ZNF365: variants seen among roughly 807,000 people sequenced by gnomAD.
ZNF365 encodes protein ZNF365.
Under a neutral mutation model 35.0 loss-of-function variants are expected in ZNF365, and 22 were observed. The ratio of observed to expected loss-of-function variants is 0.63; its 90% CI spans 0.45 to 0.90. ZNF365 has a LOEUF of 0.90. Ranked by LOEUF, ZNF365 falls within the 40% of genes least tolerant of loss-of-function variation. The pLI, the probability that ZNF365 is intolerant of heterozygous loss-of-function variation, is 0.00. For synonymous variants in ZNF365, 188 were observed against 196.2 expected, an observed-to-expected ratio of 0.96 and a Z score of 0.35; for missense variants, 448 against 500.3, an observed-to-expected ratio of 0.90 and a Z score of 1.00.
At chr10:62,430,242 T>C (rs910838064) in intron 3 of ZNF365, among the ~76,000 whole-genome samples, 3 of 144,452 alleles carry the variant, frequency 2.1e-5, no homozygotes, top group African/African-American at 7.7e-5. Context: ...CTAAAATTGC[T>C]TTTGGAAAAG....
intron 3 of ZNF365, among the ~76,000 whole-genome samples, chr10:62,430,265 T>C (rs942272945): frequency 6.6e-6 from 1 of 150,672 alleles, no homozygotes; most frequent in Non-Finnish European, 1.5e-5. Context: ...TTTTTTTTTT[T>C]TTTTTTTTTG....
At chr10:62,431,216 T>TC (rs1564586815) in intron 3 of ZNF365, among the ~76,000 whole-genome samples, 1 of 152,164 alleles carries the variant, frequency 6.6e-6, no homozygotes, top group Admixed American at 6.5e-5. Flanking sequence ...AGTGGCTTTC[T>TC]CCCCCCTGCT....
chr10:62,438,683 T>C (rs1258569114), intron 3 of ZNF365, among the ~76,000 whole-genome samples: 1 of 152,202 alleles, frequency 6.6e-6, no homozygotes, highest in Non-Finnish European at 1.5e-5. Context: ...TATTCTCTTA[T>C]GTAAGCAGAA....
chr10:62,409,931 T>C (rs918490255), intron 3 of ZNF365, among the ~76,000 whole-genome samples: 1 of 152,160 alleles, frequency 6.6e-6, no homozygotes, highest in African/African-American at 2.4e-5. Flanking sequence ...CCATCTGAGC[T>C]ATCAGGGCCA....
In ZNF365 at chr10:62,400,884, G is replaced by A. The variant is rs1285506455; in HGVS notation, c.*1095G>A. ...TGTTCACTCTATGTTGCATTCTAAA[G>A]TAATTTCTGAAATAAACAATGCATG... On this transcript the variant is annotated 3_prime_UTR_variant, in exon 5 of 5. Transcript: ENST00000395254. 48 of 985,356 alleles carry A rather than the reference G, an allele frequency of 4.9e-5. No individual in the cohort carries two copies. Among genetic ancestry groups the A allele is most frequent in the South Asian group, 4.2e-4 (9 of 21,282 alleles). The allele number at this position is 985,356 out of a possible 1,614,324, so 61.0% of individuals were successfully genotyped here.
chr10:62,445,836 G>A (rs988662766), intron 3 of ZNF365, among the ~76,000 whole-genome samples: 1 of 151,988 alleles, frequency 6.6e-6, no homozygotes, highest in Non-Finnish European at 1.5e-5. Context: ...TTCTTCATTG[G>A]CCTCGGTCAG....
intron 3 of ZNF365, among the ~76,000 whole-genome samples, chr10:62,443,057 G>A (rs760771651): frequency 2.0e-5 from 3 of 152,130 alleles, no homozygotes; most frequent in Admixed American, 6.6e-5. Context: ...CTGAATCACC[G>A]GACACTCTGT....
At chr10:62,479,533 A>T (rs1437941499) in intron 4 of ZNF365, among the ~76,000 whole-genome samples, 1 of 152,238 alleles carries the variant, frequency 6.6e-6, no homozygotes, top group Non-Finnish European at 1.5e-5. Flanking sequence ...ATAACTTATC[A>T]TCTGAACCAG....
chr10:62,398,424 G>A (rs1156240796), intron 3 of ZNF365, among the ~76,000 whole-genome samples: 1 of 152,146 alleles, frequency 6.6e-6, no homozygotes, highest in Non-Finnish European at 1.5e-5. Context: ...TCCAGTACTT[G>A]GAAACATATT....
At position 62,419,011 on chromosome 10, in the gene ZNF365, T is replaced by C. The variant is rs116704162; in HGVS notation, c.924+30435T>C. On this transcript the variant is annotated intron_variant, in intron 3 of 4. Transcript: ENST00000395255. Reference sequence around the variant, plus strand: ...TAATATTATACACGTCTGAAGAACATTATAAATATACCCTGGAAATTTATT... The same window carrying C: ...TAATATTATACACGTCTGAAGAACACTATAAATATACCCTGGAAATTTATT... Among the ~76,000 whole-genome samples, 18 of 118,868 alleles carry C rather than the reference T, an allele frequency of 1.5e-4. 1 individual carries two copies. The highest frequency in any genetic ancestry group is 3.4e-4 in the Admixed American group (4 of 11,642). 78.0% of individuals were successfully genotyped at this position (118,868 alleles called of 152,430 possible). A position where few individuals can be genotyped will look rare whatever the true frequency, so the allele number is the denominator to read the frequency against.
intron 3 of ZNF365, among the ~76,000 whole-genome samples, chr10:62,456,572 T>C (rs935039109): frequency 2.6e-5 from 4 of 152,234 alleles, no homozygotes; most frequent in African/African-American, 4.8e-5. Context: ...AAAAGGAATT[T>C]ACTGGCTCAT....
chr10:62,403,013 C>A (rs112483121), downstream of ZNF365, among the ~76,000 whole-genome samples: 872 of 152,248 alleles, frequency 5.7e-3, 11 homozygotes, highest in Admixed American at 9.5e-3. Flanking sequence ...TTGAACAGTG[C>A]AAGGGTTAGG....
chr10:62,451,298 T>A (rs1001320344), intron 3 of ZNF365, among the ~76,000 whole-genome samples: 2 of 152,174 alleles, frequency 1.3e-5, no homozygotes, highest in Admixed American at 1.3e-4. Flanking sequence ...CTTGTTTTGC[T>A]TGTGGTGCCT....
At chr10:62,402,526 T>C, downstream of ZNF365, 1 of 883,634 alleles carries the variant, frequency 1.1e-6, no homozygotes, top group Non-Finnish European at 1.4e-6. Context: ...GGAAACAAAA[T>C]GGTCCTTCCT....
downstream of ZNF365, among the ~76,000 whole-genome samples, chr10:62,406,938 G>A (rs529222515): frequency 2.0e-5 from 3 of 152,264 alleles, no homozygotes; most frequent in East Asian, 3.9e-4. Context: ...GAGATCCAGT[G>A]AGACAGCATC....
chr10:62,449,325 C>T (rs921993891), intron 3 of ZNF365, among the ~76,000 whole-genome samples: 4 of 152,236 alleles, frequency 2.6e-5, no homozygotes, highest in African/African-American at 9.6e-5. Context: ...AAGGGAAAGG[C>T]TTGTGATTAG....
intron 3 of ZNF365, among the ~76,000 whole-genome samples, chr10:62,389,876 A>G (rs1187675526): frequency 6.6e-6 from 1 of 152,088 alleles, no homozygotes; most frequent in Non-Finnish European, 1.5e-5. Flanking sequence ...CATATTTATT[A>G]TTTTCTGGGT....
chr10:62,419,139 A>G (rs768546994), intron 3 of ZNF365, among the ~76,000 whole-genome samples: 3 of 152,172 alleles, frequency 2.0e-5, no homozygotes, highest in Admixed American at 1.3e-4. Context: ...CCGCTTTGAT[A>G]CAGTCTACTC....
intron 3 of ZNF365, among the ~76,000 whole-genome samples, chr10:62,452,430 C>G (rs142730769): frequency 6.6e-6 from 1 of 152,276 alleles, no homozygotes; most frequent in Middle Eastern, 3.4e-3. Flanking sequence ...GAGAACAGAT[C>G]GTGTTCTCTA....
Sources: gnomAD v4.1 joint callset for allele counts (sites outside exome capture counted in the v4.1 genomes callset) on GRCh38, gnomAD v4.1.1 for gene constraint, MANE v1.5 for transcripts, NCBI Gene and HGNC (gene_info 2026-07-23, HGNC 2026-07-21) for gene names.